The following PRRG1 variants were observed in gnomAD, a reference collection of about 807,000 sequenced individuals.
PRRG1 encodes the protein proline rich and Gla domain 1.
PRRG1 carries 5 observed loss-of-function variants against 11.8 expected under a neutral mutation model. The observed-to-expected ratio is 0.42, with a 90% CI of 0.22 to 0.89. The LOEUF (loss-of-function observed/expected upper bound fraction) is 0.89. Among genes scored for constraint, PRRG1 ranks in the 40% least tolerant of loss-of-function variants. The pLI is 0.28. For missense variants in PRRG1, 155 were observed against 166.1 expected, an observed-to-expected ratio of 0.93 and a Z score of 0.37; for synonymous variants, 66 against 60.4, an observed-to-expected ratio of 1.09 and a Z score of -0.43.
chrX:37,433,577 TTTAATTG>T (rs1413818492), intron 3 of PRRG1, among the ~76,000 whole-genome samples: 2 of 111,286 alleles, frequency 1.8e-5, no homozygotes, highest in African/African-American at 3.3e-5. Flanking sequence ...TGTTTTTTTT[TTTAATTG>T]TTACCTCCCC....
chrX:37,438,131 G>A (rs1054247063), intron 3 of PRRG1, among the ~76,000 whole-genome samples: 6 of 110,441 alleles, frequency 5.4e-5, no homozygotes, highest in Non-Finnish European at 1.1e-4. Context: ...AGAATCACTT[G>A]AACCCAGGAA....
chrX:37,403,740 C>G, intron 1 of PRRG1: 2 of 752,959 alleles, frequency 2.7e-6, no homozygotes, highest in Non-Finnish European at 1.6e-6. Context: ...AGCAGAGGAT[C>G]CGAATGGAAA....
At chrX:37,401,716 GATTGT>G (rs1556380342) in intron 1 of PRRG1, among the ~76,000 whole-genome samples, 1 of 111,126 alleles carries the variant, frequency 9.0e-6, no homozygotes, top group African/African-American at 3.3e-5. Context: ...CAGATGACAT[GATTGT>G]ATATCTAGAA....
chrX:37,440,789 A>C, intron 3 of PRRG1: 1 of 510,052 alleles, frequency 2.0e-6, no homozygotes, highest in South Asian at 2.5e-5. Flanking sequence ...AAATTGAGAC[A>C]GGGTCTTGTT....
At chrX:37,366,212 C>G (rs539345839) in intron 1 of PRRG1, among the ~76,000 whole-genome samples, 55 of 111,828 alleles carry the variant, frequency 4.9e-4, no homozygotes, top group African/African-American at 1.7e-3. Context: ...TGGTGAAATG[C>G]CCTGCAATTC....
At chrX:37,397,563 G>C (rs782805482) in intron 1 of PRRG1, among the ~76,000 whole-genome samples, 6 of 112,536 alleles carry the variant, frequency 5.3e-5, no homozygotes, top group Non-Finnish European at 1.1e-4. Flanking sequence ...GTAGCATTAT[G>C]AGAGTTCAAA....
intron 3 of PRRG1, among the ~76,000 whole-genome samples, chrX:37,450,246 A>T (rs781791574): frequency 1.9e-4 from 21 of 112,164 alleles, no homozygotes; most frequent in African/African-American, 6.8e-4. Context: ...CGATGTTCAG[A>T]TGTTAAATGA....
intron 3 of PRRG1, among the ~76,000 whole-genome samples, chrX:37,449,281 T>C (rs1208343134): frequency 9.0e-6 from 1 of 111,504 alleles, no homozygotes; most frequent in Non-Finnish European, 1.9e-5. Context: ...TGCTAGGCCC[T>C]CCTCATCAAT....
At chrX:37,418,101 T>G (rs1932550883) in intron 2 of PRRG1, among the ~76,000 whole-genome samples, 1 of 112,394 alleles carries the variant, frequency 8.9e-6, no homozygotes. Flanking sequence ...TCAGATAAAT[T>G]AAGCAACAAA....
At chrX:37,424,766 A>G (rs1449150940) in intron 2 of PRRG1, among the ~76,000 whole-genome samples, 1 of 111,181 alleles carries the variant, frequency 9.0e-6, no homozygotes, top group African/African-American at 3.3e-5. Context: ...ATGAGTCCAT[A>G]TATTCTATAA....
intron 2 of PRRG1, among the ~76,000 whole-genome samples, chrX:37,408,151 T>C (rs1181515091): frequency 1.8e-5 from 2 of 112,110 alleles, no homozygotes; most frequent in Admixed American, 9.5e-5. Context: ...AGAGTAGTGA[T>C]ACGGCTCCAA....
intron 1 of PRRG1, among the ~76,000 whole-genome samples, chrX:37,380,962 G>T (rs782660456): frequency 9.0e-6 from 1 of 111,477 alleles, no homozygotes; most frequent in Non-Finnish European, 1.9e-5. Context: ...GTAATTCTTA[G>T]GGAACCAAGG....
At chrX:37,400,707 A>G (rs1405063656) in intron 1 of PRRG1, among the ~76,000 whole-genome samples, 2 of 111,607 alleles carry the variant, frequency 1.8e-5, no homozygotes, top group African/African-American at 6.5e-5. Context: ...TGGTTTTTTG[A>G]AAGGATCAAC....
In PRRG1 at chrX:37,441,170, T is replaced by C. The variant is rs529075810; in HGVS notation, c.172-11966T>C. ...AGAAACAAGAAAATGTTACCAAAAA[T>C]ATCAAATTGATATTCTCAGAATTTA... On this transcript the variant is annotated intron_variant, in intron 3 of 3. Coordinates refer to ENST00000378628, the MANE Select transcript of PRRG1 (RefSeq NM_001142395.2). The C allele has an allele frequency of 5.9e-6, 5 of 846,272 alleles. No individual in the cohort carries two copies. The South Asian group carries it at 2.6e-4, about 43-fold the overall frequency. 69.7% of individuals were successfully genotyped at this position (846,272 alleles called of 1,213,427 possible).
intron 1 of PRRG1, among the ~76,000 whole-genome samples, chrX:37,399,244 A>G (rs1931855200): frequency 8.9e-6 from 1 of 111,915 alleles, no homozygotes; most frequent in Non-Finnish European, 1.9e-5. Context: ...AGGTTGGGTT[A>G]CCCACAAAGG....
intron 2 of PRRG1, among the ~76,000 whole-genome samples, chrX:37,410,659 T>C (rs1181445183): frequency 8.9e-6 from 1 of 111,914 alleles, no homozygotes; most frequent in African/African-American, 3.2e-5. Flanking sequence ...GCAGCAGTGG[T>C]CTATGTCTGT....
intron 3 of PRRG1, among the ~76,000 whole-genome samples, chrX:37,432,685 G>A (rs1053131136): frequency 8.9e-6 from 1 of 111,981 alleles, no homozygotes; most frequent in Non-Finnish European, 1.9e-5. Context: ...TTGAAACTCT[G>A]CTCTGCCTAC....
At chrX:37,442,888 A>G (rs1933011639) in intron 3 of PRRG1, among the ~76,000 whole-genome samples, 1 of 111,709 alleles carries the variant, frequency 9.0e-6, no homozygotes, top group Admixed American at 9.5e-5. Context: ...CAATTGTGCC[A>G]TTTCTTCCAA....
chrX:37,369,926 A>G (rs1395265210), intron 1 of PRRG1, among the ~76,000 whole-genome samples: 1 of 109,670 alleles, frequency 9.1e-6, no homozygotes, highest in Non-Finnish European at 1.9e-5. Flanking sequence ...CCTCCCAACC[A>G]TGTGGAACTG....
Sources: gnomAD v4.1 joint callset for allele counts (sites outside exome capture counted in the v4.1 genomes callset) on GRCh38, gnomAD v4.1.1 for gene constraint, MANE v1.5 for transcripts, NCBI Gene and HGNC (gene_info 2026-07-23, HGNC 2026-07-21) for gene names.